Variants in MRTFB observed in about 807,000 individuals in gnomAD.
MRTFB encodes myocardin related transcription factor B, also known as myocardin-related transcription factor B.
Under a neutral mutation model 104.2 loss-of-function variants are expected in MRTFB, and 29 were observed. That is an observed-to-expected ratio of 0.28 (90% CI 0.21 to 0.38). The LOEUF (loss-of-function observed/expected upper bound fraction) is 0.38, where lower values mean the gene tolerates loss of function less well. MRTFB is among the 10% of genes least tolerant of loss of function. The probability of loss-of-function intolerance (pLI) is 1.00; values close to 1 mark genes in which losing one functional copy is unlikely to be tolerated. For missense variants in MRTFB, 1,270 were observed against 1,341.6 expected (o/e 0.95, Z 0.83); for synonymous variants, 535 against 519.5 (o/e 1.03, Z -0.41).
intron 2 of MRTFB, among the ~76,000 whole-genome samples, chr16:14,127,379 G>T (rs1414680390): frequency 6.6e-6 from 1 of 151,880 alleles, no homozygotes; most frequent in South Asian, 2.1e-4. Flanking sequence ...ACTAAGGGCC[G>T]GGTGCGGTAA....
At chr16:14,033,852 A>G in the MRTFB span, among the ~76,000 whole-genome samples, 10,217 of 145,256 alleles carry the variant, frequency 0.07, 367 homozygotes, top group Non-Finnish European at 0.084. Context: ...AAAAAAAAAA[A>G]AAGAAGAAGA....
chr16:14,007,171 A>C, the MRTFB span, among the ~76,000 whole-genome samples: 36 of 152,268 alleles, frequency 2.4e-4, no homozygotes, highest in Middle Eastern at 3.4e-3. Flanking sequence ...CACTTTCGTT[A>C]CCCCAAAAAG....
chr16:14,029,512 T>TACAC, the MRTFB span, among the ~76,000 whole-genome samples: 3 of 103,352 alleles, frequency 2.9e-5, no homozygotes, highest in African/African-American at 7.2e-5. Context: ...TACACATATA[T>TACAC]ATACACACAC....
chr16:14,202,542 T>G (rs1470363986), intron 3 of MRTFB, among the ~76,000 whole-genome samples: 1 of 152,196 alleles, frequency 6.6e-6, no homozygotes, highest in East Asian at 1.9e-4. Context: ...CAGAGAACTA[T>G]AAATTTGTGA....
At chr16:14,130,653 G>A (rs1233669035) in intron 2 of MRTFB, among the ~76,000 whole-genome samples, 1 of 152,160 alleles carries the variant, frequency 6.6e-6, no homozygotes, top group African/African-American at 2.4e-5. Flanking sequence ...CTACTTGTAG[G>A]TGTACATTTA....
rs112096358 is a variant in MRTFB at position 14,168,327 on chromosome 16, C to T, written c.154+27567C>T. Reference sequence around the variant, plus strand: ...TGATATATGCATATGCCTAAGTGCCCGAAACATTTACCAAGATACAGAGCA... The same window carrying T: ...TGATATATGCATATGCCTAAGTGCCTGAAACATTTACCAAGATACAGAGCA... On this transcript the variant is annotated intron_variant, in intron 3 of 16. Coordinates refer to ENST00000571589, the MANE Select transcript of MRTFB (RefSeq NM_001308142.2). Among the ~76,000 whole-genome samples the T allele has an allele frequency of 6.1e-3, 931 of 151,928 alleles. 8 individuals are homozygous for T. Among genetic ancestry groups the T allele is most frequent in the African/African-American group, 0.021 (875 of 41,376 alleles).
chr16:14,003,717 C>G, the MRTFB span, among the ~76,000 whole-genome samples: 2 of 147,720 alleles, frequency 1.4e-5, no homozygotes, highest in African/African-American at 4.9e-5. Flanking sequence ...CCTTCCCTCC[C>G]TGCCATGCTA....
intron 3 of MRTFB, among the ~76,000 whole-genome samples, chr16:14,172,278 C>T (rs935169901): frequency 6.6e-6 from 1 of 152,124 alleles, no homozygotes; most frequent in Admixed American, 6.5e-5. Flanking sequence ...TTCTCACACA[C>T]GAAATAACAT....
intron 4 of MRTFB, among the ~76,000 whole-genome samples, 180 bp from the exon 5 acceptor site, chr16:14,212,174 A>G (rs933800971): frequency 1.3e-5 from 2 of 152,236 alleles, no homozygotes; most frequent in African/African-American, 2.4e-5. Context: ...TGTGAAATAC[A>G]TAATTTTTAT....
chr16:14,188,919 G>C (rs996645388), intron 3 of MRTFB, among the ~76,000 whole-genome samples: 1 of 152,084 alleles, frequency 6.6e-6, no homozygotes, highest in Non-Finnish European at 1.5e-5. Context: ...TAAATTCGTT[G>C]ATATAAAGAG....
In MRTFB at chr16:14,265,693, C is replaced by T. The variant is rs188573708; in HGVS notation, c.*4249C>T. On this transcript the variant is annotated 3_prime_UTR_variant, in exon 17 of 17. Coordinates refer to ENST00000571589, the MANE Select transcript of MRTFB (RefSeq NM_001308142.2). ...ATTACAAAGGGTTTCTACCTGAAAT[C>T]TTTCATGGAAGGCCTACAATTCGAA... 1 of 152,324 alleles carries T rather than the reference C, an allele frequency of 6.6e-6. No homozygotes were observed. The highest frequency in any genetic ancestry group is 1.9e-4 in the East Asian group (1 of 5,194). The allele number at this position is 152,324 out of a possible 1,614,324, so 9.4% of individuals were successfully genotyped here.
At chr16:14,156,741 A>T (rs2038841833) in intron 3 of MRTFB, among the ~76,000 whole-genome samples, 1 of 152,202 alleles carries the variant, frequency 6.6e-6, no homozygotes, top group Non-Finnish European at 1.5e-5. Flanking sequence ...GAAATTTTAA[A>T]ATATTCTCTT....
chr16:14,215,304 C>T (rs2151192357), intron 6 of MRTFB, among the ~76,000 whole-genome samples: 1 of 152,216 alleles, frequency 6.6e-6, no homozygotes, highest in East Asian at 1.9e-4. Flanking sequence ...GAAAGAATGT[C>T]ATTTTATTTT....
chr16:14,023,020 T>G, the MRTFB span, among the ~76,000 whole-genome samples: 2 of 151,954 alleles, frequency 1.3e-5, no homozygotes, highest in African/African-American at 4.8e-5. Flanking sequence ...TACCACATGG[T>G]GCTATCTCTA....
At chr16:13,995,546 C>T in the MRTFB span, among the ~76,000 whole-genome samples, 1 of 152,130 alleles carries the variant, frequency 6.6e-6, no homozygotes, top group Non-Finnish European at 1.5e-5. Context: ...TCAGTATATT[C>T]GTATATTGAA....
chr16:14,026,646 A>T, the MRTFB span, among the ~76,000 whole-genome samples: 3 of 152,236 alleles, frequency 2.0e-5, no homozygotes, highest in African/African-American at 7.2e-5. Context: ...TGCAAAACAC[A>T]TATCCAGCAA....
intron 1 of MRTFB, among the ~76,000 whole-genome samples, chr16:14,074,838 T>C (rs889699948): frequency 6.6e-6 from 1 of 152,224 alleles, no homozygotes. Flanking sequence ...TTTCCCTTTA[T>C]GTAAAACAAA....
intron 3 of MRTFB, among the ~76,000 whole-genome samples, chr16:14,154,196 A>C (rs1201625896): frequency 1.3e-5 from 2 of 152,166 alleles, no homozygotes; most frequent in African/African-American, 4.8e-5. Context: ...TTAGCCAAGC[A>C]TGATGACACA....
intron 6 of MRTFB, 40 bp downstream of exon 6, chr16:14,213,660 A>G: frequency 7.3e-7 from 1 of 1,374,720 alleles, no homozygotes; most frequent in Non-Finnish European, 1.0e-6. Flanking sequence ...GTATTTTTTC[A>G]AGAAAAGAAG....
Sources: allele counts gnomAD v4.1 joint callset (sites outside exome capture counted in the v4.1 genomes callset), GRCh38; gene constraint gnomAD v4.1.1; transcripts MANE v1.5; gene names NCBI Gene and HGNC (gene_info 2026-07-23, HGNC 2026-07-21).